PPEF1: variants seen among roughly 807,000 people sequenced by gnomAD.
PPEF1 encodes serine/threonine-protein phosphatase with EF-hands 1.
PPEF1 carries 12 observed loss-of-function variants against 53.3 expected under a neutral mutation model. The ratio of observed to expected loss-of-function variants is 0.23; its 90% confidence interval spans 0.14 to 0.36. The LOEUF is 0.36. PPEF1 is among the 10% of genes least tolerant of loss of function. PPEF1 has a pLI of 1.00. For missense variants in PPEF1, 334 were observed against 490.4 expected (o/e 0.68, Z 3.01); for synonymous variants, 165 against 176.7 (o/e 0.93, Z 0.52).
In PPEF1 at chrX:18,690,225, C is replaced by G. The variant is rs1245577893; in HGVS notation, c.-425-757C>G. Among the ~76,000 whole-genome samples, 3 of 111,026 alleles carry G rather than the reference C, an allele frequency of 2.7e-5. No individual in the cohort carries two copies. In the South Asian group the frequency reaches 1.1e-3, roughly 42 times the overall value. ...TATTTAATGAATATATGAATGAAAC[C>G]AAGCCAGGAATAAGTGCACAAAAGA... On this transcript the variant is annotated intron_variant, in intron 3 of 21. Coordinates refer to the PPEF1 transcript ENST00000361511.
intron 12 of PPEF1, among the ~76,000 whole-genome samples, chrX:18,809,408 T>A (rs963123765): frequency 5.5e-5 from 6 of 109,794 alleles, no homozygotes; most frequent in Non-Finnish European, 1.1e-4. Context: ...CCATCTGTTT[T>A]AAAAAAAATA....
At chrX:18,738,293 T>A (rs1442048397) in intron 3 of PPEF1, among the ~76,000 whole-genome samples, 1 of 111,946 alleles carries the variant, frequency 8.9e-6, no homozygotes, top group Non-Finnish European at 1.9e-5. Flanking sequence ...TAGTGCTTCC[T>A]TCAGGAGCTC....
chrX:18,744,805 CAT>C (rs1220133588), intron 3 of PPEF1, among the ~76,000 whole-genome samples: 46 of 108,385 alleles, frequency 4.2e-4, no homozygotes, highest in Admixed American at 1.2e-3. Context: ...ATATTTGTTA[CAT>C]GTTTACCATG....
At position 18,694,977 on chromosome X, in the gene PPEF1, A is replaced by C. The variant is rs536810698; in HGVS notation, c.-312-2868A>C. On this transcript the variant is annotated intron_variant, in intron 4 of 21. Transcript: ENST00000361511. ...TGTGGGACAGATTACCAAAAAATCT[A>C]GTGGCTTAAAACAACACATGTTTAT... is the stretch of plus-strand genomic sequence containing the variant. Among the ~76,000 whole-genome samples the C allele has an allele frequency of 8.9e-5, 10 of 111,876 alleles. No homozygotes were observed. In the South Asian group the frequency reaches 3.4e-3, roughly 38 times the overall value.
intron 1 of PPEF1, among the ~76,000 whole-genome samples, chrX:18,724,427 G>C (rs751607433): frequency 8.9e-6 from 1 of 111,782 alleles, no homozygotes; most frequent in African/African-American, 3.2e-5. Flanking sequence ...TTTCTTGCAA[G>C]ATACCATGAT....
In PPEF1 at chrX:18,776,842, C is replaced by T. The variant is rs992976113; in HGVS notation, c.559-2168C>T. Among the ~76,000 whole-genome samples the T allele has an allele frequency of 2.1e-4, 23 of 111,836 alleles. 1 individual carries two copies. Among genetic ancestry groups the T allele is most frequent in the African/African-American group, 7.2e-4 (22 of 30,734 alleles). On this transcript the variant is annotated intron_variant, in intron 6 of 15. Coordinates refer to ENST00000470157, the MANE Select transcript of PPEF1 (RefSeq NM_001377996.1). ...GGCTGAAGCAGGAGGATCACTTGAA[C>T]CTGGGAGGCGGAGGTTGCGGTGAGC...
chrX:18,723,801 A>G (rs2044643241), intron 1 of PPEF1, among the ~76,000 whole-genome samples: 1 of 107,034 alleles, frequency 9.3e-6, no homozygotes, highest in Admixed American at 1.0e-4. Context: ...TTTTTTTGAG[A>G]CAGAGTCTTG....
At chrX:18,739,107 G>A (rs953613054) in intron 3 of PPEF1, among the ~76,000 whole-genome samples, 2 of 112,326 alleles carry the variant, frequency 1.8e-5, no homozygotes, top group Non-Finnish European at 3.8e-5. Flanking sequence ...TGTTATTACC[G>A]ATCATCCGAG....
At chrX:18,675,389 G>A (rs1928636581), upstream of PPEF1, among the ~76,000 whole-genome samples, 1 of 113,613 alleles carries the variant, frequency 8.8e-6, no homozygotes, top group Non-Finnish European at 1.9e-5. Context: ...CTTGCCGGTC[G>A]GAAGTCAGGA....
chrX:18,783,715 C>CA (rs112707495), intron 8 of PPEF1, among the ~76,000 whole-genome samples, 184 bp from the exon 9 acceptor site: 46,179 of 101,612 alleles, frequency 0.45, 8,454 homozygotes, highest in Non-Finnish European at 0.54. Context: ...GACTCCATCT[C>CA]AAAAAAAAAA....
intron 3 of PPEF1, among the ~76,000 whole-genome samples, chrX:18,740,647 G>C (rs921525095): frequency 4.9e-4 from 54 of 110,954 alleles, no homozygotes; most frequent in African/African-American, 1.7e-3. Context: ...CTGACCTCGT[G>C]ATCTGCCTGC....
upstream of PPEF1, among the ~76,000 whole-genome samples, chrX:18,678,763 C>T (rs1928772348): frequency 9.0e-6 from 1 of 111,445 alleles, no homozygotes; most frequent in Non-Finnish European, 1.9e-5. Context: ...TATTTCCTCT[C>T]ACTGCATACT....
intron 5 of PPEF1, among the ~76,000 whole-genome samples, chrX:18,699,352 C>T (rs1402522275): frequency 2.7e-5 from 3 of 111,575 alleles, no homozygotes; most frequent in Non-Finnish European, 3.8e-5. Context: ...AGAAAGGAAT[C>T]GAGCTAAAGA....
intron 1 of PPEF1, among the ~76,000 whole-genome samples, chrX:18,719,222 C>T (rs1339868025): frequency 9.0e-6 from 1 of 111,462 alleles, no homozygotes; most frequent in Non-Finnish European, 1.9e-5. Context: ...TTAACAGTTA[C>T]TTGTAAACTA....
chrX:18,777,890 G>T, intron 6 of PPEF1, among the ~76,000 whole-genome samples: 1 of 110,267 alleles, frequency 9.1e-6, no homozygotes, highest in South Asian at 3.9e-4. Flanking sequence ...GATTATAGGC[G>T]CACACCACCA....
At chrX:18,761,698 C>T in intron 6 of PPEF1, 122 bp downstream of exon 6, 1 of 463,138 alleles carries the variant, frequency 2.2e-6, no homozygotes, top group Non-Finnish European at 3.5e-6. Context: ...CTGTTTTTAA[C>T]CAGGAGGCTC....
intron 9 of PPEF1, among the ~76,000 whole-genome samples, chrX:18,787,421 A>C (rs2046227882): frequency 9.0e-6 from 1 of 111,100 alleles, no homozygotes; most frequent in Non-Finnish European, 1.9e-5. Context: ...GATTTTCTAA[A>C]ACTAAGATTC....
chrX:18,695,026 GA>G (rs1176839221), intron 4 of PPEF1, among the ~76,000 whole-genome samples: 1 of 112,101 alleles, frequency 8.9e-6, no homozygotes, highest in Non-Finnish European at 1.9e-5. Flanking sequence ...CTGTGGGGCA[GA>G]AACCCAGGCG....
upstream of PPEF1, among the ~76,000 whole-genome samples, chrX:18,678,548 G>T (rs1928764676): frequency 8.9e-6 from 1 of 111,827 alleles, no homozygotes. Flanking sequence ...GATTGGTCTG[G>T]TGCTCTCTCC....
Sources: allele counts gnomAD v4.1 joint callset (sites outside exome capture counted in the v4.1 genomes callset), GRCh38; gene constraint gnomAD v4.1.1; transcripts MANE v1.5; gene names NCBI Gene and HGNC (gene_info 2026-07-23, HGNC 2026-07-21).